Variants in CHODL observed in about 807,000 individuals in gnomAD.
CHODL encodes transmembrane protein MT75.
A neutral mutation model predicts 34.5 loss-of-function variants in CHODL; 29 were observed. The ratio of observed to expected loss-of-function variants is 0.84; its 90% CI spans 0.63 to 1.15. The LOEUF is 1.15. CHODL is among the 50% of genes most tolerant of loss of function. The pLI is 0.00. For synonymous variants in CHODL, 125 were observed against 116.1 expected (o/e 1.08, Z -0.49); for missense variants, 332 against 332.5 (o/e 1.00, Z 0.01).
At chr21:18,002,127 T>G (rs2063912674) in intron 1 of CHODL, among the ~76,000 whole-genome samples, 1 of 152,162 alleles carries the variant, frequency 6.6e-6, no homozygotes, top group African/African-American at 2.4e-5. Context: ...AAACTTCCTT[T>G]GGGCATAAGA....
chr21:18,128,767 T>C (rs1193844312), intron 2 of CHODL, among the ~76,000 whole-genome samples: 1 of 152,190 alleles, frequency 6.6e-6, no homozygotes, highest in Non-Finnish European at 1.5e-5. Context: ...CATGATGGTA[T>C]ATCATAATCT....
At chr21:18,235,824 AATTGT>A (rs2146762844) in intron 2 of CHODL, among the ~76,000 whole-genome samples, 1 of 152,282 alleles carries the variant, frequency 6.6e-6, no homozygotes, top group Non-Finnish European at 1.5e-5. Flanking sequence ...TATTTAGCTA[AATTGT>A]ATTCCTTTTT....
At chr21:18,160,305 AAG>A (rs1355271596) in intron 2 of CHODL, among the ~76,000 whole-genome samples, 1 of 152,132 alleles carries the variant, frequency 6.6e-6, no homozygotes, top group Non-Finnish European at 1.5e-5. Flanking sequence ...TTGGGGGTAA[AAG>A]AGTATTATTC....
intron 2 of CHODL, among the ~76,000 whole-genome samples, chr21:18,067,372 C>A (rs1465017294): frequency 3.3e-5 from 5 of 152,154 alleles, no homozygotes; most frequent in African/African-American, 9.6e-5. Context: ...CTGGTTTCCT[C>A]AAAAAACAAG....
chr21:18,257,367 A>T (rs1194946774), intron 3 of CHODL, among the ~76,000 whole-genome samples: 1 of 152,216 alleles, frequency 6.6e-6, no homozygotes, highest in African/African-American at 2.4e-5. Flanking sequence ...TTAAGAAAAA[A>T]TAATCATTTC....
At chr21:18,265,107 T>G (rs1384255279) in intron 5 of CHODL, among the ~76,000 whole-genome samples, 1 of 151,646 alleles carries the variant, frequency 6.6e-6, no homozygotes, top group East Asian at 1.9e-4. Flanking sequence ...GTCAGGCACA[T>G]GTTTGTAGGT....
At chr21:18,005,591 C>T (rs999222232) in intron 1 of CHODL, among the ~76,000 whole-genome samples, 7 of 152,168 alleles carry the variant, frequency 4.6e-5, no homozygotes, top group Non-Finnish European at 8.8e-5. Context: ...GGGCAAATGA[C>T]GTGACATTCT....
chr21:18,228,028 C>T (rs2073946378), intron 2 of CHODL, among the ~76,000 whole-genome samples: 1 of 152,124 alleles, frequency 6.6e-6, no homozygotes, highest in African/African-American at 2.4e-5. Flanking sequence ...TATCTTTTGA[C>T]TGGATGGGAA....
intron 1 of CHODL, among the ~76,000 whole-genome samples, chr21:17,982,842 C>T (rs955337377): frequency 6.6e-6 from 1 of 151,218 alleles, no homozygotes; most frequent in African/African-American, 2.4e-5. Context: ...TTCTGAGTAC[C>T]TGGGATTACA....
At chr21:18,059,112 G>A (rs1449391431) in intron 2 of CHODL, among the ~76,000 whole-genome samples, 1 of 152,156 alleles carries the variant, frequency 6.6e-6, no homozygotes, top group African/African-American at 2.4e-5. Context: ...GAGGTTTTAA[G>A]AGTGAGATCA....
At chr21:18,086,225 C>T (rs941247045) in intron 2 of CHODL, among the ~76,000 whole-genome samples, 1 of 151,726 alleles carries the variant, frequency 6.6e-6, no homozygotes, top group Admixed American at 6.6e-5. Context: ...AGTTATCTAT[C>T]TTCTTGGTAA....
intron 2 of CHODL, among the ~76,000 whole-genome samples, chr21:18,103,287 A>C (rs1207840947): frequency 6.6e-6 from 1 of 152,234 alleles, no homozygotes; most frequent in Non-Finnish European, 1.5e-5. Context: ...TTTAAAAAAT[A>C]GTTTTAAATA....
intron 1 of CHODL, among the ~76,000 whole-genome samples, chr21:18,011,035 T>G (rs914298448): frequency 6.6e-6 from 1 of 152,184 alleles, no homozygotes; most frequent in Non-Finnish European, 1.5e-5. Flanking sequence ...TTGGTTGAAT[T>G]TTTTGTGTGG....
chr21:17,924,024 T>C (rs2824552), intron 1 of CHODL, among the ~76,000 whole-genome samples: 66,564 of 151,934 alleles, frequency 0.44, 14,765 homozygotes, highest in South Asian at 0.54. Flanking sequence ...TTGAGGAACG[T>C]GAGGGTCTCT....
chr21:17,950,019 G>C (rs940582437), intron 1 of CHODL, among the ~76,000 whole-genome samples: 3 of 152,020 alleles, frequency 2.0e-5, no homozygotes, highest in East Asian at 3.9e-4. Context: ...CAAAAGAATA[G>C]ATTTTGTAAA....
intron 2 of CHODL, among the ~76,000 whole-genome samples, chr21:18,192,623 A>G (rs2073524651): frequency 6.6e-6 from 1 of 152,168 alleles, no homozygotes; most frequent in Non-Finnish European, 1.5e-5. Context: ...TTGAAAATGT[A>G]TTTCCAAAGT....
At chr21:18,118,904 A>G (rs553343970) in intron 2 of CHODL, among the ~76,000 whole-genome samples, 80 of 152,212 alleles carry the variant, frequency 5.3e-4, no homozygotes, top group African/African-American at 1.6e-3. Context: ...TTTCACTTCA[A>G]ACTTCTGTCT....
intron 2 of CHODL, among the ~76,000 whole-genome samples, chr21:18,171,443 A>G (rs1198193837): frequency 2.0e-5 from 3 of 150,110 alleles, no homozygotes; most frequent in African/African-American, 2.4e-5. Flanking sequence ...TCCTGACCTC[A>G]TGATCCACCC....
At chr21:17,935,635 A>G (rs2063313367) in intron 1 of CHODL, among the ~76,000 whole-genome samples, 1 of 152,256 alleles carries the variant, frequency 6.6e-6, no homozygotes, top group South Asian at 2.1e-4. Flanking sequence ...TAAATTAGAT[A>G]TATAGATGAC....
Sources: gnomAD v4.1 joint callset for allele counts (sites outside exome capture counted in the v4.1 genomes callset) on GRCh38, gnomAD v4.1.1 for gene constraint, MANE v1.5 for transcripts, NCBI Gene and HGNC (gene_info 2026-07-23, HGNC 2026-07-21) for gene names.